Variants in ARHGAP42 observed in about 807,000 individuals in gnomAD.
ARHGAP42 encodes rho GTPase-activating protein 42.
ARHGAP42 carries 63 observed loss-of-function variants against 125.0 expected under a neutral mutation model. The ratio of observed to expected loss-of-function variants is 0.50; its 90% CI spans 0.41 to 0.62. The LOEUF (loss-of-function observed/expected upper bound fraction) is 0.62, where lower values mean the gene tolerates loss of function less well. Among genes scored for constraint, ARHGAP42 ranks in the 20% least tolerant of loss-of-function variants. The pLI, the probability that ARHGAP42 is intolerant of heterozygous loss-of-function variation, is 0.00. For missense variants in ARHGAP42, 766 were observed against 1,024.2 expected (o/e 0.75, Z 3.44); for synonymous variants, 339 against 351.0 (o/e 0.97, Z 0.38).
intron 14 of ARHGAP42, among the ~76,000 whole-genome samples, 199 bp from the exon 15 acceptor site, chr11:100,961,485 T>C (rs1181237538): frequency 6.6e-6 from 1 of 152,194 alleles, no homozygotes; most frequent in African/African-American, 2.4e-5. Flanking sequence ...GGGAGACTTA[T>C]TTCATAAGAT....
chr11:100,853,616 A>G (rs1388335277), intron 3 of ARHGAP42, among the ~76,000 whole-genome samples: 1 of 152,116 alleles, frequency 6.6e-6, no homozygotes. Flanking sequence ...AAATTTTACA[A>G]TCTACTCTCC....
At chr11:100,967,823 C>T (rs145100221) in intron 17 of ARHGAP42, among the ~76,000 whole-genome samples, 2 of 152,260 alleles carry the variant, frequency 1.3e-5, no homozygotes, top group South Asian at 2.1e-4. Context: ...AAGTGATTCT[C>T]CTGCCTCAGC....
At chr11:100,850,359 A>G (rs1175775274) in intron 3 of ARHGAP42, among the ~76,000 whole-genome samples, 1 of 152,170 alleles carries the variant, frequency 6.6e-6, no homozygotes, top group Non-Finnish European at 1.5e-5. Flanking sequence ...TTGTAACACA[A>G]TGGTAAGCAT....
At chr11:100,885,677 C>T (rs1014907306) in intron 4 of ARHGAP42, among the ~76,000 whole-genome samples, 2 of 151,992 alleles carry the variant, frequency 1.3e-5, no homozygotes, top group African/African-American at 4.8e-5. Flanking sequence ...CATATGTTGG[C>T]TAATTGTAAG....
intron 3 of ARHGAP42, among the ~76,000 whole-genome samples, chr11:100,820,177 C>G (rs1350423090): frequency 6.6e-6 from 1 of 152,084 alleles, no homozygotes; most frequent in Non-Finnish European, 1.5e-5. Context: ...AGTTTCATAG[C>G]TGTCTCTTTT....
chr11:100,927,068 A>G (rs938286037), intron 6 of ARHGAP42, among the ~76,000 whole-genome samples: 2 of 152,212 alleles, frequency 1.3e-5, no homozygotes, highest in Admixed American at 6.5e-5. Context: ...GCTAAATTCA[A>G]TTTAAATTTT....
chr11:100,856,732 G>C (rs1865330965), intron 3 of ARHGAP42, among the ~76,000 whole-genome samples: 1 of 152,012 alleles, frequency 6.6e-6, no homozygotes, highest in South Asian at 2.1e-4. Flanking sequence ...TAAATCATTT[G>C]GGGGAAACTA....
intron 1 of ARHGAP42, among the ~76,000 whole-genome samples, chr11:100,717,749 A>G (rs747454476): frequency 1.3e-5 from 2 of 151,690 alleles, no homozygotes; most frequent in African/African-American, 2.4e-5. Flanking sequence ...AACATGGTGA[A>G]ACCCTGCCTG....
chr11:100,793,090 C>T (rs1863609746), intron 2 of ARHGAP42, among the ~76,000 whole-genome samples: 1 of 152,098 alleles, frequency 6.6e-6, no homozygotes, highest in Non-Finnish European at 1.5e-5. Context: ...CTTATTGTTA[C>T]ACTCAGGCAA....
chr11:100,915,347 G>A (rs1867034796), intron 5 of ARHGAP42, among the ~76,000 whole-genome samples: 2 of 152,112 alleles, frequency 1.3e-5, no homozygotes, highest in Non-Finnish European at 2.9e-5. Flanking sequence ...ATGTAGTTAT[G>A]TAGAGAGACA....
At chr11:100,880,334 A>G (rs944274273) in intron 4 of ARHGAP42, among the ~76,000 whole-genome samples, 1 of 152,176 alleles carries the variant, frequency 6.6e-6, no homozygotes, top group African/African-American at 2.4e-5. Flanking sequence ...GCTCCCAATT[A>G]TAAGTGAGAA....
intron 4 of ARHGAP42, among the ~76,000 whole-genome samples, chr11:100,898,346 G>A (rs1866420638): frequency 1.3e-5 from 2 of 152,076 alleles, no homozygotes; most frequent in Admixed American, 6.6e-5. Context: ...CAGGATGATG[G>A]TGGCCTCATA....
chr11:100,720,005 T>C (rs1861733486), intron 1 of ARHGAP42, among the ~76,000 whole-genome samples: 1 of 152,246 alleles, frequency 6.6e-6, no homozygotes, highest in African/African-American at 2.4e-5. Context: ...CATGTCCTAG[T>C]TGATCTGGCA....
chr11:100,858,086 G>GGTGTGTGT (rs201861404), intron 3 of ARHGAP42, among the ~76,000 whole-genome samples: 11,680 of 108,834 alleles, frequency 0.11, 538 homozygotes, highest in Admixed American at 0.15. Context: ...TCTGGATAGG[G>GGTGTGTGT]GTGTGTGTGT....
intron 3 of ARHGAP42, among the ~76,000 whole-genome samples, chr11:100,812,703 G>T (rs1473396827): frequency 6.6e-6 from 1 of 152,218 alleles, no homozygotes; most frequent in Non-Finnish European, 1.5e-5. Context: ...AAGGTCCTGA[G>T]GCTGGAAAGT....
chr11:100,937,690 AG>A (rs1398652753), intron 8 of ARHGAP42, among the ~76,000 whole-genome samples: 1 of 152,216 alleles, frequency 6.6e-6, no homozygotes, highest in Admixed American at 6.6e-5. Flanking sequence ...ATACTTTTCT[AG>A]GTGTTACACA....
intron 14 of ARHGAP42, among the ~76,000 whole-genome samples, 151 bp downstream of exon 14, chr11:100,961,140 A>T (rs1857942909): frequency 6.6e-6 from 1 of 152,220 alleles, no homozygotes; most frequent in Non-Finnish European, 1.5e-5. Context: ...CATTTATAAT[A>T]GATGAACGAT....
chr11:100,703,483 A>G (rs1365364397), intron 1 of ARHGAP42, among the ~76,000 whole-genome samples: 1 of 152,146 alleles, frequency 6.6e-6, no homozygotes, highest in Non-Finnish European at 1.5e-5. Context: ...TGTCAATGTT[A>G]TTATCATATT....
chr11:100,875,254 G>A (rs1482760658), intron 4 of ARHGAP42, among the ~76,000 whole-genome samples: 1 of 150,916 alleles, frequency 6.6e-6, no homozygotes, highest in Non-Finnish European at 1.5e-5. Context: ...TGCTTTTAAA[G>A]TTTTCAGACT....
Sources: allele counts gnomAD v4.1 joint callset (sites outside exome capture counted in the v4.1 genomes callset), GRCh38; gene constraint gnomAD v4.1.1; transcripts MANE v1.5; gene names NCBI Gene and HGNC (gene_info 2026-07-23, HGNC 2026-07-21).